The following PALM2AKAP2 variants were observed in gnomAD, a reference collection of about 807,000 sequenced individuals.
PALM2AKAP2 encodes PALM2 and AKAP2 fusion.
In PALM2AKAP2, 37 loss-of-function variants were observed where a neutral mutation model predicts 71.5. That is an observed-to-expected ratio of 0.52 (90% CI 0.40 to 0.68). The LOEUF (loss-of-function observed/expected upper bound fraction) is 0.68. Ranked by LOEUF, PALM2AKAP2 falls within the 30% of genes least tolerant of loss-of-function variation. PALM2AKAP2 has a pLI of 0.00. For missense variants in PALM2AKAP2, 1,224 were observed against 1,191.8 expected, an observed-to-expected ratio of 1.03 and a Z score of -0.40; for synonymous variants, 468 against 478.8, an observed-to-expected ratio of 0.98 and a Z score of 0.29.
intron 6 of PALM2AKAP2, among the ~76,000 whole-genome samples, chr9:110,004,596 G>A (rs1266994048): frequency 1.3e-5 from 2 of 152,156 alleles, no homozygotes; most frequent in African/African-American, 4.8e-5. Flanking sequence ...GATTGGGGAA[G>A]TTCTCCAGGA....
intron 1 of PALM2AKAP2, among the ~76,000 whole-genome samples, chr9:110,105,336 G>A (rs1313040425): frequency 6.6e-6 from 1 of 152,150 alleles, no homozygotes; most frequent in Non-Finnish European, 1.5e-5. Context: ...GTAACATAGA[G>A]TTGTTTATAT....
intron 3 of PALM2AKAP2, among the ~76,000 whole-genome samples, chr9:110,163,287 A>G (rs1836649072): frequency 1.3e-5 from 2 of 152,286 alleles, no homozygotes; most frequent in African/African-American, 2.4e-5. Context: ...GCATTGTTCT[A>G]GGTTCCAAGA....
intron 1 of PALM2AKAP2, among the ~76,000 whole-genome samples, chr9:109,663,002 T>A (rs1442794865): frequency 6.6e-6 from 1 of 152,208 alleles, no homozygotes; most frequent in Non-Finnish European, 1.5e-5. Flanking sequence ...TTTTGTGGGA[T>A]TGGTGCTGAT....
At chr9:109,791,618 A>G (rs17804581) in intron 1 of PALM2AKAP2, among the ~76,000 whole-genome samples, 3,859 of 152,316 alleles carry the variant, frequency 0.025, 70 homozygotes, top group Non-Finnish European at 0.036. Flanking sequence ...GAGAGGGTCC[A>G]TGTGCCAGCC....
At position 109,881,852 on chromosome 9, in the gene PALM2AKAP2, CTCTGTCT is replaced by C. The variant is rs1187374971; in HGVS notation, c.257+1176_257+1182del. Among the ~76,000 whole-genome samples, 4 of 142,494 alleles carry C rather than the reference CTCTGTCT, an allele frequency of 2.8e-5. 1 individual carries two copies. The highest frequency in any genetic ancestry group is 4.4e-4 in the East Asian group (2 of 4,590). The allele number at this position is 142,494 out of a possible 152,430, so 93.5% of individuals were successfully genotyped here. On this transcript the variant is annotated intron_variant, in intron 3 of 9. Transcript: ENST00000302798. Reference sequence around the variant, plus strand: ...GAAATCTCACCACCTGGAGCTTCATCTCTGTCTTCTGAGCTTATGAGCTCTTTTTTTT... The same window carrying C: ...GAAATCTCACCACCTGGAGCTTCATCTCTGAGCTTATGAGCTCTTTTTTTT...
At chr9:109,743,847 C>T in intron 1 of PALM2AKAP2, among the ~76,000 whole-genome samples, 1 of 152,180 alleles carries the variant, frequency 6.6e-6, no homozygotes, top group East Asian at 1.9e-4. Flanking sequence ...CAGCACACTG[C>T]TTGGAATGTC....
At chr9:109,878,781 A>T (rs1196904896) in intron 2 of PALM2AKAP2, among the ~76,000 whole-genome samples, 1 of 152,214 alleles carries the variant, frequency 6.6e-6, no homozygotes, top group Non-Finnish European at 1.5e-5. Context: ...CTTGTTGCGC[A>T]GGCTGGAGTG....
At chr9:110,045,966 G>A (rs932394922), upstream of PALM2AKAP2, among the ~76,000 whole-genome samples, 1 of 152,158 alleles carries the variant, frequency 6.6e-6, no homozygotes, top group Admixed American at 6.5e-5. Context: ...CTGACATTTA[G>A]GGCTCAATAA....
intron 1 of PALM2AKAP2, among the ~76,000 whole-genome samples, chr9:109,798,445 C>T (rs1827326567): frequency 6.6e-6 from 1 of 152,214 alleles, no homozygotes; most frequent in South Asian, 2.1e-4. Context: ...CAATGGGTGC[C>T]ATATGCCATT....
chr9:110,096,391 G>C (rs186605344), intron 1 of PALM2AKAP2, among the ~76,000 whole-genome samples: 2 of 140,184 alleles, frequency 1.4e-5, no homozygotes, highest in East Asian at 3.9e-4. Flanking sequence ...AGCCTCCCAA[G>C]TAGCTGGGAC....
rs760710832 is a variant in PALM2AKAP2 at position 110,136,975 on chromosome 9, G to C, written c.1005G>C (p.Gln335His). The C allele has an allele frequency of 4.3e-6, 7 of 1,614,058 alleles. No homozygotes were observed. The highest frequency in any genetic ancestry group is 5.9e-6 in the Non-Finnish European group (7 of 1,180,006). ...CAGCAAAATGGTGGAATCCCCCGCA[G>C]GAAAAAACCATCGAGGAGCAGCTGG... Residue 335 changes from glutamine to histidine, a missense_variant, in exon 2 of 4, where the codon CAG becomes CAC. Gln to His is a conservative substitution (Grantham distance 24). Coordinates refer to ENST00000374525, the Ensembl canonical transcript of PALM2AKAP2.
At chr9:109,902,051 G>T (rs1830342256) in intron 3 of PALM2AKAP2, among the ~76,000 whole-genome samples, 1 of 152,008 alleles carries the variant, frequency 6.6e-6, no homozygotes, top group Non-Finnish European at 1.5e-5. Context: ...CTTTCCCCAG[G>T]GTTCCCAAAG....
chr9:109,922,371 A>G (rs866632155), intron 3 of PALM2AKAP2, among the ~76,000 whole-genome samples: 4 of 133,058 alleles, frequency 3.0e-5, no homozygotes, highest in Non-Finnish European at 4.7e-5. Context: ...GCAGTGAGCT[A>G]TGATCGTACC....
intron 1 of PALM2AKAP2, among the ~76,000 whole-genome samples, chr9:109,691,061 T>C (rs148546953): frequency 0.02 from 3,051 of 152,204 alleles, 47 homozygotes; most frequent in Non-Finnish European, 0.025. Flanking sequence ...AATTTGCTAT[T>C]GGCACTAAAT....
intron 1 of PALM2AKAP2, among the ~76,000 whole-genome samples, chr9:109,766,168 T>TTA (rs1374003404): frequency 6.6e-6 from 1 of 152,208 alleles, no homozygotes; most frequent in East Asian, 1.9e-4. Flanking sequence ...ACTTAGCTCT[T>TTA]TATATTGTGG....
chr9:109,819,148 A>C (rs2131478728), intron 1 of PALM2AKAP2, among the ~76,000 whole-genome samples: 1 of 152,362 alleles, frequency 6.6e-6, no homozygotes, highest in South Asian at 2.1e-4. Flanking sequence ...AGCATCTTAT[A>C]AGAAAAATTA....
At chr9:109,785,537 A>G (rs1334414323) in intron 1 of PALM2AKAP2, among the ~76,000 whole-genome samples, 3 of 152,162 alleles carry the variant, frequency 2.0e-5, no homozygotes, top group Admixed American at 6.5e-5. Context: ...GGTTTAATGG[A>G]CTTATAGTTC....
intron 1 of PALM2AKAP2, among the ~76,000 whole-genome samples, chr9:109,699,603 T>C (rs975362660): frequency 1.3e-5 from 2 of 152,136 alleles, no homozygotes; most frequent in Non-Finnish European, 2.9e-5. Context: ...AAGTATATTA[T>C]TAAGTGAAGA....
chr9:109,840,090 C>T (rs551503881), intron 1 of PALM2AKAP2, among the ~76,000 whole-genome samples: 16 of 152,296 alleles, frequency 1.1e-4, no homozygotes, highest in African/African-American at 3.9e-4. Flanking sequence ...AAGGTGGAGG[C>T]ATCACGCTAC....
Sources: allele counts gnomAD v4.1 joint callset (sites outside exome capture counted in the v4.1 genomes callset), GRCh38; gene constraint gnomAD v4.1.1; transcripts MANE v1.5; gene names NCBI Gene and HGNC (gene_info 2026-07-23, HGNC 2026-07-21).